FGF13: variants seen among roughly 807,000 people sequenced by gnomAD.
The protein encoded by FGF13 is fibroblast growth factor homologous factor 2.
FGF13 carries 2 observed loss-of-function variants against 19.5 expected under a neutral mutation model. That is an observed-to-expected ratio of 0.10 (90% confidence interval 0.04 to 0.32). The LOEUF (loss-of-function observed/expected upper bound fraction) is 0.32. FGF13 is among the 10% of genes least tolerant of loss of function. The probability of loss-of-function intolerance (pLI) is 1.00; values close to 1 mark genes in which losing one functional copy is unlikely to be tolerated. For synonymous variants in FGF13, 72 were observed against 76.9 expected (o/e 0.94, Z 0.33); for missense variants, 113 against 192.7 (o/e 0.59, Z 2.45).
chrX:138,756,624 T>C (rs2090433191), intron 3 of FGF13, among the ~76,000 whole-genome samples: 1 of 112,480 alleles, frequency 8.9e-6, no homozygotes, highest in African/African-American at 3.2e-5. Context: ...AGAAATGCTT[T>C]TAGAAATAAC....
At chrX:138,897,710 C>A (rs2091511387) in intron 1 of FGF13, among the ~76,000 whole-genome samples, 2 of 111,424 alleles carry the variant, frequency 1.8e-5, no homozygotes, top group Non-Finnish European at 3.8e-5. Context: ...AGGCACAGAA[C>A]CAAAGAGTTC....
rs777163629 is a variant in FGF13, at chrX:138,627,050, T to TA, written c.*5799dup. 1.9e-4 allele frequency: 21 copies of TA among 111,959 alleles called. No individual in the cohort carries two copies. Among genetic ancestry groups the TA allele is most frequent in the Non-Finnish European group, 3.0e-4 (16 of 53,208 alleles). 9.2% of individuals were successfully genotyped at this position (111,959 alleles called of 1,213,427 possible). On this transcript the variant is annotated 3_prime_UTR_variant, in exon 5 of 5. Transcript: ENST00000315930. The stretch of plus-strand genomic sequence containing the variant: ...TGTGAAGAACATAAAACTGAATAGT[T>TA]ACTTGCAATTGGAGTTCCACTTTAT...
At chrX:138,724,212 T>C (rs1018871714) in intron 1 of FGF13, among the ~76,000 whole-genome samples, 2 of 111,889 alleles carry the variant, frequency 1.8e-5, no homozygotes, top group Admixed American at 1.9e-4. Flanking sequence ...ACAATAGGGA[T>C]TGTATAAAAA....
chrX:139,076,211 C>T (rs2083331782), intron 1 of FGF13, among the ~76,000 whole-genome samples: 1 of 111,279 alleles, frequency 9.0e-6, no homozygotes, highest in African/African-American at 3.3e-5. Context: ...TTTCTCTGAT[C>T]ACCTAACACT....
At position 138,777,163 on chromosome X, in the gene FGF13, A is replaced by G. The variant is rs762391989; in HGVS notation, c.218-68235T>C. On this transcript the variant is annotated intron_variant, in intron 3 of 6. Transcript: ENST00000436198. Reference sequence around the variant, plus strand: ...GGATCAAATGGTAATTCCTCTCACAATATCAGGTGAACCTGGGAATGGCAG... The same window carrying G: ...GGATCAAATGGTAATTCCTCTCACAGTATCAGGTGAACCTGGGAATGGCAG... Among the ~76,000 whole-genome samples, 3 of 111,258 alleles carry G rather than the reference A, an allele frequency of 2.7e-5. No homozygotes were observed. In the Admixed American group the frequency reaches 2.9e-4, roughly 11 times the overall value.
In FGF13 at chrX:138,625,710, T is replaced by C. The variant is rs2089057183; in HGVS notation, c.*7140A>G. On this transcript the variant is annotated 3_prime_UTR_variant, in exon 5 of 5. Transcript: ENST00000315930. The stretch of plus-strand genomic sequence containing the variant: ...GAACTAATGGAAACAGAGAGTTGAA[T>C]GGTGGTTACCAGGGTCTAGGGGGTG... 1 of 107,793 alleles carries C rather than the reference T, an allele frequency of 9.3e-6. No homozygotes were observed. Among genetic ancestry groups the C allele is most frequent in the South Asian group, 4.0e-4 (1 of 2,489 alleles). The allele number at this position is 107,793 out of a possible 1,213,427, so 8.9% of individuals were successfully genotyped here.
chrX:139,008,648 G>T (rs753189994), intron 1 of FGF13, among the ~76,000 whole-genome samples: 1 of 112,033 alleles, frequency 8.9e-6, no homozygotes, highest in South Asian at 3.7e-4. Flanking sequence ...CTAGGGGAAG[G>T]GGGAGAACAC....
At chrX:139,111,496 C>T (rs760332840) in intron 1 of FGF13, among the ~76,000 whole-genome samples, 33 of 111,576 alleles carry the variant, frequency 3.0e-4, no homozygotes, top group Non-Finnish European at 5.8e-4. Context: ...AAGATAGAAC[C>T]GAGGCTGCCT....
At chrX:139,099,842 G>A (rs1027406085) in intron 1 of FGF13, among the ~76,000 whole-genome samples, 1 of 110,888 alleles carries the variant, frequency 9.0e-6, no homozygotes, top group African/African-American at 3.3e-5. Context: ...ACCTTAAAAG[G>A]TGTGAAAACT....
At chrX:139,112,359 C>T (rs1300286932) in intron 1 of FGF13, among the ~76,000 whole-genome samples, 1 of 110,881 alleles carries the variant, frequency 9.0e-6, no homozygotes, top group Non-Finnish European at 1.9e-5. Context: ...CATCAAGTTA[C>T]CCTGCTTTTT....
chrX:138,706,069 C>T (rs2089989400), intron 2 of FGF13, among the ~76,000 whole-genome samples: 1 of 112,343 alleles, frequency 8.9e-6, no homozygotes. Flanking sequence ...CTGAAGGCAA[C>T]ACTGAAGCCA....
At chrX:138,970,163 T>A (rs1469345699) in intron 1 of FGF13, among the ~76,000 whole-genome samples, 2 of 112,073 alleles carry the variant, frequency 1.8e-5, no homozygotes, top group Non-Finnish European at 3.8e-5. Flanking sequence ...AGAAGGCAGA[T>A]ATAATCTATT....
At chrX:139,087,850 G>T (rs1459016004) in intron 1 of FGF13, among the ~76,000 whole-genome samples, 1 of 111,929 alleles carries the variant, frequency 8.9e-6, no homozygotes, top group Non-Finnish European at 1.9e-5. Flanking sequence ...TCCATCAACA[G>T]CCAAGAAAAT....
chrX:139,048,069 G>T (rs1295572382), intron 1 of FGF13, among the ~76,000 whole-genome samples: 1 of 110,742 alleles, frequency 9.0e-6, no homozygotes, highest in African/African-American at 3.3e-5. Flanking sequence ...CTTGTTTAAG[G>T]AACATCACCC....
At chrX:138,800,446 G>A (rs966022457) in intron 3 of FGF13, among the ~76,000 whole-genome samples, 1 of 112,018 alleles carries the variant, frequency 8.9e-6, no homozygotes, top group African/African-American at 3.2e-5. Context: ...GAGATCCGCT[G>A]TTAGTCTGAT....
intron 1 of FGF13, among the ~76,000 whole-genome samples, chrX:138,975,760 A>G (rs943645221): frequency 9.0e-6 from 1 of 111,490 alleles, no homozygotes; most frequent in Non-Finnish European, 1.9e-5. Flanking sequence ...CAGGGGAACA[A>G]AATAAAAGCA....
chrX:139,200,266 GAGAA>G (rs1047540652), intron 1 of FGF13, among the ~76,000 whole-genome samples: 2 of 112,350 alleles, frequency 1.8e-5, no homozygotes, highest in Non-Finnish European at 3.8e-5. Flanking sequence ...GCCCAAGTCT[GAGAA>G]AGACACTTGA....
intron 3 of FGF13, among the ~76,000 whole-genome samples, chrX:138,850,667 T>C (rs1380190355): frequency 8.9e-6 from 1 of 112,146 alleles, no homozygotes; most frequent in African/African-American, 3.2e-5. Context: ...AAAGTGACTT[T>C]GAAATAAAAA....
chrX:139,016,052 T>C (rs762250023), intron 1 of FGF13, among the ~76,000 whole-genome samples: 1 of 111,760 alleles, frequency 8.9e-6, no homozygotes, highest in South Asian at 3.7e-4. Flanking sequence ...TATACCAAAA[T>C]TTCAACCTTC....
Sources: gnomAD v4.1 joint callset for allele counts (sites outside exome capture counted in the v4.1 genomes callset) on GRCh38, gnomAD v4.1.1 for gene constraint, MANE v1.5 for transcripts, NCBI Gene and HGNC (gene_info 2026-07-23, HGNC 2026-07-21) for gene names.